FAT3: variants seen among roughly 807,000 people sequenced by gnomAD.
The protein encoded by FAT3 is protocadherin Fat 3.
In FAT3, 95 loss-of-function variants were observed where a neutral mutation model predicts 310.2. The observed-to-expected ratio is 0.31, with a 90% CI of 0.26 to 0.36. FAT3 has a LOEUF of 0.36. FAT3 is among the 10% of genes least tolerant of loss of function. The pLI is 1.00. For missense variants in FAT3, 5,408 were observed against 5,715.6 expected, an observed-to-expected ratio of 0.95 and a Z score of 1.74; for synonymous variants, 2,314 against 2,192.9, an observed-to-expected ratio of 1.06 and a Z score of -1.54.
At chr11:92,479,289 G>T (rs543288227) in intron 2 of FAT3, among the ~76,000 whole-genome samples, 22 of 151,642 alleles carry the variant, frequency 1.5e-4, no homozygotes, top group Non-Finnish European at 2.6e-4. Flanking sequence ...GGGATTACAG[G>T]TATGAGCCAC....
intron 3 of FAT3, among the ~76,000 whole-genome samples, chr11:92,600,993 C>G (rs189941500): frequency 6.6e-6 from 1 of 152,014 alleles, no homozygotes; most frequent in Non-Finnish European, 1.5e-5. Flanking sequence ...AGCAAACTTA[C>G]GGACCAGAGC....
At chr11:92,760,574 T>C (rs1946122940) in intron 4 of FAT3, among the ~76,000 whole-genome samples, 1 of 152,240 alleles carries the variant, frequency 6.6e-6, no homozygotes, top group African/African-American at 2.4e-5. Context: ...ATTAACAATT[T>C]CCAAAAGTTT....
At chr11:92,768,048 C>T (rs1422480343) in intron 6 of FAT3, among the ~76,000 whole-genome samples, 3 of 152,136 alleles carry the variant, frequency 2.0e-5, no homozygotes, top group Admixed American at 6.5e-5. Context: ...GAAGGAGTCC[C>T]TTTAAGCTAC....
intron 13 of FAT3, among the ~76,000 whole-genome samples, chr11:92,812,624 C>T (rs944716310): frequency 6.6e-6 from 1 of 151,528 alleles, no homozygotes; most frequent in Non-Finnish European, 1.5e-5. Context: ...GAAAAAAAAA[C>T]TTATAATAGC....
At chr11:92,416,241 A>T (rs2134954778) in intron 2 of FAT3, among the ~76,000 whole-genome samples, 1 of 147,996 alleles carries the variant, frequency 6.8e-6, no homozygotes, top group Non-Finnish European at 1.5e-5. Context: ...AAAAATAGCC[A>T]GGTGTGGTGG....
chr11:92,593,840 T>C (rs551015395), intron 3 of FAT3, among the ~76,000 whole-genome samples: 3 of 152,200 alleles, frequency 2.0e-5, no homozygotes, highest in Non-Finnish European at 2.9e-5. Flanking sequence ...GGAAAGTCTA[T>C]TGAAACAAAA....
intron 5 of FAT3, among the ~76,000 whole-genome samples, chr11:92,763,824 C>T (rs1946227365): frequency 6.6e-6 from 1 of 152,100 alleles, no homozygotes; most frequent in Non-Finnish European, 1.5e-5. Flanking sequence ...TACTCAAATG[C>T]CTGTCTTAGC....
At chr11:92,248,266 CA>C (rs2134271047) in intron 1 of FAT3, among the ~76,000 whole-genome samples, 1 of 152,132 alleles carries the variant, frequency 6.6e-6, no homozygotes, top group African/African-American at 2.4e-5. Context: ...TCTCATGTAT[CA>C]GTTGCAAAAA....
At chr11:92,758,804 A>G (rs972488460) in intron 4 of FAT3, among the ~76,000 whole-genome samples, 2 of 152,154 alleles carry the variant, frequency 1.3e-5, no homozygotes, top group African/African-American at 2.4e-5. Context: ...TGTGTGAGAT[A>G]CCTGTTGGTC....
chr11:92,475,008 G>A (rs1172635362), intron 2 of FAT3, among the ~76,000 whole-genome samples: 1 of 152,118 alleles, frequency 6.6e-6, no homozygotes, highest in East Asian at 1.9e-4. Context: ...CTTCCCACAT[G>A]CCCACTGGTT....
chr11:92,341,404 G>A (rs1048800091), intron 1 of FAT3, among the ~76,000 whole-genome samples: 1 of 151,880 alleles, frequency 6.6e-6, no homozygotes, highest in Admixed American at 6.6e-5. Context: ...TTAGCACTGA[G>A]TACTAATCCA....
intron 1 of FAT3, chr11:92,336,002 G>A (rs1948062870): frequency 2.2e-6 from 1 of 464,092 alleles, no homozygotes. Context: ...TGGGGAAGGT[G>A]GTGCTTCTTG....
At chr11:92,236,174 C>T (rs1348529245) in intron 1 of FAT3, among the ~76,000 whole-genome samples, 1 of 152,166 alleles carries the variant, frequency 6.6e-6, no homozygotes, top group African/African-American at 2.4e-5. Context: ...GGGATTGAGT[C>T]TTTCCAGTAT....
chr11:92,547,435 G>T (rs1403891609), intron 3 of FAT3, among the ~76,000 whole-genome samples: 1 of 152,110 alleles, frequency 6.6e-6, no homozygotes, highest in African/African-American at 2.4e-5. Context: ...AGAGAATAAA[G>T]GGAGGCTACA....
intron 3 of FAT3, among the ~76,000 whole-genome samples, chr11:92,569,542 A>T (rs1363184545): frequency 1.3e-5 from 2 of 152,192 alleles, no homozygotes; most frequent in African/African-American, 4.8e-5. Context: ...CTATTGCCTC[A>T]GTTTTCCCAA....
chr11:92,865,643 G>A (rs976291901), intron 21 of FAT3, among the ~76,000 whole-genome samples: 1 of 152,200 alleles, frequency 6.6e-6, no homozygotes, highest in Non-Finnish European at 1.5e-5. Context: ...CTAGACAAGG[G>A]TGCAGCCCTC....
chr11:92,844,207 G>A lies in FAT3; in HGVS notation c.10840G>A (p.Gly3614Ser), dbSNP rs1181667115. The A allele has an allele frequency of 1.5e-5, 25 of 1,613,888 alleles. No homozygotes were observed. Among genetic ancestry groups the A allele is most frequent in the African/African-American group, 4.0e-5 (3 of 74,910 alleles). Residue 3614 changes from glycine (G) to serine (S), a missense_variant, in exon 19 of 28, where the codon GGC (glycine) becomes AGC (serine). Coordinates refer to ENST00000525166, the MANE Select transcript of FAT3 (RefSeq NM_001367949.2). ...CATCGCCCTGGGAGGCCTGGACAGCGGCAAGTATGTCCTGAATGTGTCTGT... is the reference window on the plus strand; with the variant it reads ...CATCGCCCTGGGAGGCCTGGACAGCAGCAAGTATGTCCTGAATGTGTCTGT... ...KIIALGGLDS[G>S]KYVLNVSVSD...
chr11:92,717,571 G>C (rs576360052), intron 4 of FAT3, among the ~76,000 whole-genome samples: 5 of 152,308 alleles, frequency 3.3e-5, no homozygotes, highest in Non-Finnish European at 7.4e-5. Flanking sequence ...TCAAATGGCT[G>C]AAAAATGTGA....
At chr11:92,796,918 C>T (rs1463364388) in intron 9 of FAT3, among the ~76,000 whole-genome samples, 1 of 152,200 alleles carries the variant, frequency 6.6e-6, no homozygotes, top group African/African-American at 2.4e-5. Flanking sequence ...GAGCCCTTCC[C>T]CTGCCAGCTC....
Sources: allele counts gnomAD v4.1 joint callset (sites outside exome capture counted in the v4.1 genomes callset), GRCh38; gene constraint gnomAD v4.1.1; transcripts MANE v1.5; gene names NCBI Gene and HGNC (gene_info 2026-07-23, HGNC 2026-07-21).